The following APBB2 variants were observed in gnomAD, a reference collection of about 807,000 sequenced individuals.
APBB2 encodes amyloid beta precursor protein binding family B member 2.
In APBB2, 38 loss-of-function variants were observed where a neutral mutation model predicts 82.5. The observed-to-expected ratio is 0.46, with a 90% CI of 0.36 to 0.60. The LOEUF is 0.60. APBB2 is among the 20% of genes least tolerant of loss of function. APBB2 has a pLI of 0.00. For missense variants in APBB2, 772 were observed against 972.3 expected (o/e 0.79, Z 2.74); for synonymous variants, 341 against 368.2 (o/e 0.93, Z 0.85).
At chr4:41,022,479 C>T (rs1712033040) in intron 5 of APBB2, among the ~76,000 whole-genome samples, 1 of 152,158 alleles carries the variant, frequency 6.6e-6, no homozygotes, top group Non-Finnish European at 1.5e-5. Context: ...ACCCTTCCTT[C>T]CCTCCAGCAA....
At chr4:40,968,671 T>C (rs1436016557) in intron 6 of APBB2, among the ~76,000 whole-genome samples, 1 of 152,206 alleles carries the variant, frequency 6.6e-6, no homozygotes, top group East Asian at 1.9e-4. Flanking sequence ...TGTATCCCTG[T>C]GCCTTTGCTG....
chr4:40,890,561 T>C, intron 11 of APBB2, 70 bp from the exon 12 acceptor site: 3 of 1,575,864 alleles, frequency 1.9e-6, no homozygotes, highest in Admixed American at 3.5e-5. Flanking sequence ...TGTGTGGCCA[T>C]CTAGGAATGC....
chr4:40,860,733 A>G (rs929078131), intron 12 of APBB2, among the ~76,000 whole-genome samples: 1 of 152,226 alleles, frequency 6.6e-6, no homozygotes, highest in South Asian at 2.1e-4. Flanking sequence ...CCTGACATAC[A>G]GTAAGTGCTT....
intron 12 of APBB2, among the ~76,000 whole-genome samples, chr4:40,839,973 G>C (rs921557757): frequency 6.6e-6 from 1 of 152,108 alleles, no homozygotes; most frequent in Non-Finnish European, 1.5e-5. Flanking sequence ...CCCCACGAGG[G>C]GTGTTTTTTA....
At chr4:40,833,643 G>A (rs746750565) in intron 12 of APBB2, among the ~76,000 whole-genome samples, 1 of 152,228 alleles carries the variant, frequency 6.6e-6, no homozygotes, top group Non-Finnish European at 1.5e-5. Flanking sequence ...GCCAGGCATT[G>A]AGATTCTGGC....
rs1577714019 is a variant in APBB2, at chr4:40,826,184, G to A, written c.1733-214C>T. On this transcript the variant is annotated intron_variant, in intron 14 of 17. Coordinates refer to ENST00000508593, the MANE Select transcript of APBB2 (RefSeq NM_004307.2). This position sits in a 1 kb window ranked among gnomAD's most constrained non-coding sequence, Gnocchi z 4.5. ...CCTGTTCAACTTTCAAGATAGGAAT[G>A]CATGTGAAAGCAGGAAGTGGCATCT... is the stretch of plus-strand genomic sequence containing the variant. 5.5e-6 allele frequency: 3 copies of A among 541,624 alleles called. No homozygotes were observed. In the East Asian group the frequency reaches 9.6e-5, roughly 17 times the overall value. The allele number at this position is 541,624 out of a possible 1,614,324, so 33.6% of individuals were successfully genotyped here. A position where few individuals can be genotyped will look rare whatever the true frequency, so the allele number is the denominator to read the frequency against.
At chr4:40,979,435 GTAT>G (rs764104368) in intron 6 of APBB2, among the ~76,000 whole-genome samples, 2 of 151,944 alleles carry the variant, frequency 1.3e-5, no homozygotes, top group African/African-American at 4.8e-5. Flanking sequence ...GGGATTTTAC[GTAT>G]TTATTTACTT....
chr4:41,017,594 G>C (rs1810363798), intron 5 of APBB2, among the ~76,000 whole-genome samples: 1 of 152,150 alleles, frequency 6.6e-6, no homozygotes, highest in South Asian at 2.1e-4. Context: ...CTTGCCTACA[G>C]GGAGTTTATA....
chr4:40,851,257 G>A lies in APBB2; in HGVS notation c.1530-20680C>T, dbSNP rs117957129. The stretch of plus-strand genomic sequence containing the variant: ...GTTCCACCAAGATGCAAGAGTAAGA[G>A]CATTTACAACCTGCAAGTGCTTTAG... On this transcript the variant is annotated intron_variant, in intron 12 of 17. Coordinates refer to ENST00000508593, the MANE Select transcript of APBB2 (RefSeq NM_004307.2). 8.7e-4 allele frequency among the ~76,000 whole-genome samples: 133 copies of A among 152,276 alleles called. No homozygotes were observed. In the East Asian group the frequency reaches 0.018, roughly 21 times the overall value.
chr4:41,111,295 C>A (rs1405044061), intron 2 of APBB2, among the ~76,000 whole-genome samples: 1 of 152,156 alleles, frequency 6.6e-6, no homozygotes, highest in East Asian at 1.9e-4. Flanking sequence ...GGGTTGGGGA[C>A]CCCATTTGCA....
chr4:41,085,550 C>A (rs1487598277), intron 3 of APBB2, among the ~76,000 whole-genome samples: 4 of 151,966 alleles, frequency 2.6e-5, no homozygotes, highest in Non-Finnish European at 4.4e-5. Context: ...ATGAAGAAAA[C>A]ATAAGGAAAC....
At chr4:40,873,823 A>G (rs1419328623) in intron 12 of APBB2, among the ~76,000 whole-genome samples, 1 of 152,248 alleles carries the variant, frequency 6.6e-6, no homozygotes, top group Non-Finnish European at 1.5e-5. Flanking sequence ...ACAGGGGGAA[A>G]AAACCCGCAA....
intron 12 of APBB2, among the ~76,000 whole-genome samples, chr4:40,870,237 A>AG (rs1472757957): frequency 6.6e-6 from 1 of 152,212 alleles, no homozygotes; most frequent in Non-Finnish European, 1.5e-5. Flanking sequence ...CTCTGCCTCC[A>AG]GCCCACTGTG....
At chr4:41,049,374 G>A (rs1412196453) in intron 4 of APBB2, among the ~76,000 whole-genome samples, 1 of 147,902 alleles carries the variant, frequency 6.8e-6, no homozygotes, top group Admixed American at 6.7e-5. Context: ...GGGAGGTGGG[G>A]GGTCAGCCCC....
chr4:40,814,393 G>A lies in APBB2; in HGVS notation c.*1699C>T, dbSNP rs1745086778. The stretch of plus-strand genomic sequence containing the variant: ...CATTCTGGAAAGGCTCTTCCTGACG[G>A]ATATGGAGGCAGCACAACACAGCAA... On this transcript the variant is annotated 3_prime_UTR_variant, in exon 18 of 18. Coordinates refer to ENST00000508593, the MANE Select transcript of APBB2 (RefSeq NM_004307.2). The A allele has an allele frequency of 6.6e-6, 1 of 152,172 alleles. No homozygotes were observed. Among genetic ancestry groups the A allele is most frequent in the African/African-American group, 2.4e-5 (1 of 41,432 alleles). 9.4% of individuals were successfully genotyped at this position (152,172 alleles called of 1,614,324 possible). A position where few individuals can be genotyped will look rare whatever the true frequency, so the allele number is the denominator to read the frequency against.
chr4:40,849,120 C>T (rs1041152322), intron 12 of APBB2, among the ~76,000 whole-genome samples: 3 of 152,238 alleles, frequency 2.0e-5, no homozygotes, highest in African/African-American at 7.2e-5. Context: ...ATGCCACAAA[C>T]AGTAGGGAGT....
At chr4:41,185,213 T>C (rs1772569611) in intron 1 of APBB2, among the ~76,000 whole-genome samples, 1 of 152,206 alleles carries the variant, frequency 6.6e-6, no homozygotes. Context: ...AAAAGCATCT[T>C]AATATGGTTA....
chr4:40,947,093 G>A (rs948222165), intron 6 of APBB2, among the ~76,000 whole-genome samples: 1 of 152,198 alleles, frequency 6.6e-6, no homozygotes, highest in Non-Finnish European at 1.5e-5. Flanking sequence ...AATCAAACAT[G>A]TGTTTACATT....
chr4:41,132,789 A>G (rs1756428411), intron 2 of APBB2, among the ~76,000 whole-genome samples: 1 of 152,228 alleles, frequency 6.6e-6, no homozygotes, highest in Admixed American at 6.5e-5. Context: ...GAACTCCCAG[A>G]GGACAAGAAA....
Sources: allele counts gnomAD v4.1 joint callset (sites outside exome capture counted in the v4.1 genomes callset), GRCh38; gene constraint gnomAD v4.1.1; non-coding constraint Gnocchi (gnomAD v3.1); transcripts MANE v1.5; gene names NCBI Gene and HGNC (gene_info 2026-07-23, HGNC 2026-07-21).